The following CADM2 variants were observed in gnomAD, a reference collection of about 807,000 sequenced individuals.
CADM2 encodes cell adhesion molecule 2.
Under a neutral mutation model 49.8 loss-of-function variants are expected in CADM2, and 12 were observed. The ratio of observed to expected loss-of-function variants is 0.24; its 90% CI spans 0.15 to 0.39. The LOEUF (loss-of-function observed/expected upper bound fraction) is 0.39. Among genes scored for constraint, CADM2 ranks in the 10% least tolerant of loss-of-function variants. The pLI is 1.00. For synonymous variants in CADM2, 214 were observed against 175.4 expected (o/e 1.22, Z -1.74); for missense variants, 378 against 492.3 (o/e 0.77, Z 2.20).
At chr3:85,180,704 A>C (rs996631984) in intron 1 of CADM2, among the ~76,000 whole-genome samples, 3 of 152,164 alleles carry the variant, frequency 2.0e-5, no homozygotes, top group Admixed American at 2.0e-4. Context: ...CCACACAAAC[A>C]ATATCTATAT....
chr3:85,652,166 TA>T (rs986224469), intron 1 of CADM2, among the ~76,000 whole-genome samples: 18 of 152,140 alleles, frequency 1.2e-4, no homozygotes, highest in African/African-American at 4.1e-4. Flanking sequence ...TTTACCCAAT[TA>T]AAGGATTAGT....
At chr3:85,026,737 T>A (rs1156592553) in intron 1 of CADM2, among the ~76,000 whole-genome samples, 1 of 152,168 alleles carries the variant, frequency 6.6e-6, no homozygotes, top group Non-Finnish European at 1.5e-5. Context: ...AACTGGGCAA[T>A]AAGTTTCTCA....
chr3:85,082,785 A>G (rs1030109565), intron 1 of CADM2, among the ~76,000 whole-genome samples: 4 of 152,140 alleles, frequency 2.6e-5, no homozygotes, highest in Non-Finnish European at 5.9e-5. Flanking sequence ...GAAAAACATA[A>G]TCTGAAAGAA....
intron 1 of CADM2, among the ~76,000 whole-genome samples, chr3:85,691,961 A>T (rs1245904524): frequency 2.0e-5 from 3 of 150,442 alleles, no homozygotes; most frequent in Admixed American, 2.0e-4. Context: ...AACATCACAC[A>T]CCGGGGCCTG....
chr3:85,940,155 C>CA (rs1721695402), intron 7 of CADM2, among the ~76,000 whole-genome samples: 1 of 52,094 alleles, frequency 1.9e-5, no homozygotes, highest in Non-Finnish European at 3.5e-5. Flanking sequence ...CCCATCTCTA[C>CA]TAAAAATACA....
At chr3:85,897,214 TACA>T (rs1448361616) in intron 5 of CADM2, among the ~76,000 whole-genome samples, 1 of 142,106 alleles carries the variant, frequency 7.0e-6, no homozygotes, top group South Asian at 2.3e-4. Context: ...TTCTGAGAAT[TACA>T]ACAATAATTG....
rs1396834017 is a variant in CADM2, at chr3:85,749,599, T to C, written c.88+23051T>C. ...TGGTATAAATAAATTTTAAAAATGC[T>C]GACAGAGAAATCTCTACAGCAAACT... On this transcript the variant is annotated intron_variant, in intron 2 of 9. Coordinates refer to ENST00000383699, the MANE Select transcript of CADM2 (RefSeq NM_001167675.2). Among the ~76,000 whole-genome samples the C allele has an allele frequency of 5.3e-5, 8 of 152,114 alleles. No homozygotes were observed. The East Asian group carries it at 1.5e-3, about 29-fold the overall frequency.
chr3:85,119,094 T>G (rs1427185303), intron 1 of CADM2, among the ~76,000 whole-genome samples: 2 of 152,164 alleles, frequency 1.3e-5, no homozygotes, highest in Non-Finnish European at 2.9e-5. Context: ...TATGCTCTAG[T>G]AGATATATAC....
intron 1 of CADM2, among the ~76,000 whole-genome samples, chr3:85,500,470 A>G (rs2040070675): frequency 6.6e-6 from 1 of 151,594 alleles, no homozygotes; most frequent in Admixed American, 6.6e-5. Context: ...TTGATGGCTT[A>G]TTGGTTTTGA....
chr3:85,925,494 G>A (rs1304408517), intron 6 of CADM2, among the ~76,000 whole-genome samples: 2 of 152,086 alleles, frequency 1.3e-5, no homozygotes, highest in East Asian at 3.9e-4. Context: ...TTACAAACGG[G>A]AAAAATAAAC....
chr3:85,643,683 G>A (rs185654274), intron 1 of CADM2, among the ~76,000 whole-genome samples: 2 of 151,982 alleles, frequency 1.3e-5, no homozygotes, highest in Admixed American at 1.3e-4. Flanking sequence ...ACTTTTTTTG[G>A]CATTTCTTTG....
intron 1 of CADM2, among the ~76,000 whole-genome samples, chr3:85,719,417 A>C (rs186416689): frequency 2.0e-5 from 3 of 152,178 alleles, no homozygotes; most frequent in Non-Finnish European, 4.4e-5. Flanking sequence ...TAACTCCCCA[A>C]TAATTTAACT....
chr3:85,802,271 A>T, intron 3 of CADM2, 75 bp downstream of exon 3: 1 of 1,328,434 alleles, frequency 7.5e-7, no homozygotes, highest in Middle Eastern at 2.0e-4. Context: ...TTTTTCTGAG[A>T]TGATTCAAAC....
intron 1 of CADM2, among the ~76,000 whole-genome samples, chr3:85,380,463 G>A (rs1052179502): frequency 1.3e-5 from 2 of 151,736 alleles, no homozygotes; most frequent in African/African-American, 4.8e-5. Context: ...ATTATATGAA[G>A]CTATTAAGAT....
chr3:85,541,882 AG>A (rs1481600155), intron 1 of CADM2, among the ~76,000 whole-genome samples: 1 of 150,416 alleles, frequency 6.6e-6, no homozygotes, highest in Non-Finnish European at 1.5e-5. Context: ...GAAAAAAAGT[AG>A]GCAGAAAAGC....
At chr3:85,488,098 C>T (rs1218924330) in intron 1 of CADM2, among the ~76,000 whole-genome samples, 1 of 152,086 alleles carries the variant, frequency 6.6e-6, no homozygotes. Flanking sequence ...AGAATTTTAT[C>T]TCAAAGTAAT....
intron 1 of CADM2, among the ~76,000 whole-genome samples, chr3:85,658,617 T>C (rs12488677): frequency 0.14 from 17,557 of 124,908 alleles, 1,589 homozygotes; most frequent in South Asian, 0.24. Context: ...TATATATATA[T>C]ACATGTATGC....
intron 1 of CADM2, among the ~76,000 whole-genome samples, chr3:85,652,428 A>G (rs1252635543): frequency 6.6e-6 from 1 of 152,150 alleles, no homozygotes; most frequent in Non-Finnish European, 1.5e-5. Context: ...CCTATAATTC[A>G]CAGTATCAGA....
intron 1 of CADM2, among the ~76,000 whole-genome samples, chr3:85,548,736 T>C (rs2061729996): frequency 1.3e-5 from 2 of 152,302 alleles, no homozygotes; most frequent in South Asian, 4.1e-4. Flanking sequence ...TTTTGTATCT[T>C]GAAATGTCTG....
Sources: gnomAD v4.1 joint callset for allele counts (sites outside exome capture counted in the v4.1 genomes callset) on GRCh38, gnomAD v4.1.1 for gene constraint, MANE v1.5 for transcripts, NCBI Gene and HGNC (gene_info 2026-07-23, HGNC 2026-07-21) for gene names.